The following TTC6 variants were observed in gnomAD, a reference collection of about 807,000 sequenced individuals.
The protein encoded by TTC6 is tetratricopeptide repeat domain 6.
Under a neutral mutation model 210.4 loss-of-function variants are expected in TTC6, and 172 were observed. That is an observed-to-expected ratio of 0.82 (90% CI 0.72 to 0.93). The LOEUF (loss-of-function observed/expected upper bound fraction) is 0.93, where lower values mean the gene tolerates loss of function less well. Ranked by LOEUF, TTC6 falls within the 40% of genes least tolerant of loss-of-function variation. TTC6 has a pLI of 0.00. For synonymous variants in TTC6, 804 were observed against 819.6 expected (o/e 0.98, Z 0.32); for missense variants, 2,414 against 2,318.1 (o/e 1.04, Z -0.85).
intron 20 of TTC6, among the ~76,000 whole-genome samples, chr14:37,800,667 G>A (rs2096104319): frequency 6.6e-6 from 1 of 152,172 alleles, no homozygotes; most frequent in South Asian, 2.1e-4. Flanking sequence ...TAAGGGCATT[G>A]TCCCTCAGGC....
chr14:37,686,630 A>G (rs1957593), intron 3 of TTC6, among the ~76,000 whole-genome samples: 152,254 of 152,324 alleles, frequency 1, 76,092 homozygotes, highest in Non-Finnish European at 1. Flanking sequence ...GGCTGGGGAG[A>G]CCTCACAATC....
At chr14:37,649,422 A>G (rs1380773033) in intron 1 of TTC6, among the ~76,000 whole-genome samples, 1 of 152,166 alleles carries the variant, frequency 6.6e-6, no homozygotes, top group Non-Finnish European at 1.5e-5. Context: ...CAGGGACCCC[A>G]CAACATTTAT....
chr14:37,725,910 G>T (rs1371091910), intron 7 of TTC6, among the ~76,000 whole-genome samples: 1 of 151,820 alleles, frequency 6.6e-6, no homozygotes, highest in Non-Finnish European at 1.5e-5. Flanking sequence ...CCTTAAAGAA[G>T]AATGATTACT....
chr14:37,842,092 T>C (rs1595345550), intron 30 of TTC6, 63 bp from the exon 33 acceptor site: 2 of 1,383,506 alleles, frequency 1.4e-6, no homozygotes, highest in Non-Finnish European at 1.9e-6. Context: ...TTTTTTTTTG[T>C]AAAAAAAGAG....
intron 1 of TTC6, among the ~76,000 whole-genome samples, chr14:37,655,051 G>A (rs1029629389): frequency 1.3e-5 from 2 of 152,100 alleles, no homozygotes; most frequent in Non-Finnish European, 2.9e-5. Flanking sequence ...AGTTATTTTG[G>A]CTGCTCTTCG....
chr14:37,737,256 G>A (rs1255701240), intron 8 of TTC6, among the ~76,000 whole-genome samples: 2 of 152,040 alleles, frequency 1.3e-5, no homozygotes, highest in Admixed American at 6.6e-5. Flanking sequence ...CATGATTAGA[G>A]GTGACTGTCC....
rs1281008057 is a variant in TTC6, at chr14:37,696,097, C to T, written c.1258-620C>T. Among the ~76,000 whole-genome samples, 4 of 152,100 alleles carry T rather than the reference C, an allele frequency of 2.6e-5. No homozygotes were observed. The East Asian group carries it at 7.7e-4, about 29-fold the overall frequency. ...CATCACCCAAGAAGTTGCAATAGCT[C>T]CTTCTTTACTACTGTATCAAACCTA... is the stretch of plus-strand genomic sequence containing the variant. On this transcript the variant is annotated intron_variant, in intron 3 of 30. Coordinates refer to ENST00000553443, the Ensembl canonical transcript of TTC6.
chr14:37,672,388 A>C (rs2095759981), intron 1 of TTC6, among the ~76,000 whole-genome samples: 1 of 152,166 alleles, frequency 6.6e-6, no homozygotes, highest in Admixed American at 6.6e-5. Context: ...GATTAAATTT[A>C]CTGCTTTGCA....
chr14:37,645,304 C>T (rs1191315105), intron 1 of TTC6, among the ~76,000 whole-genome samples: 1 of 152,198 alleles, frequency 6.6e-6, no homozygotes, highest in Non-Finnish European at 1.5e-5. Flanking sequence ...CCTACCTGCT[C>T]AATCCAGACT....
At chr14:37,701,449 A>G (rs1464885418) in exon 5 of TTC6, 1 of 1,530,682 alleles carries the variant, frequency 6.5e-7, no homozygotes, top group East Asian at 2.5e-5. Flanking sequence ...CTAACAGGAA[A>G]GGCCACGATA....
At chr14:37,727,337 A>C (rs1265412616) in intron 7 of TTC6, among the ~76,000 whole-genome samples, 1 of 125,018 alleles carries the variant, frequency 8.0e-6, no homozygotes, top group African/African-American at 3.0e-5. Flanking sequence ...CTTTATCACC[A>C]GGCTGGAGTG....
chr14:37,596,566 G>A (rs1272898466), intron 1 of TTC6, among the ~76,000 whole-genome samples: 1 of 152,246 alleles, frequency 6.6e-6, no homozygotes, highest in African/African-American at 2.4e-5. Context: ...CCGGGTGATA[G>A]GCAATTAGTT....
At chr14:37,743,665 T>G (rs545109720) in intron 10 of TTC6, among the ~76,000 whole-genome samples, 1 of 152,320 alleles carries the variant, frequency 6.6e-6, no homozygotes, top group Admixed American at 6.5e-5. Context: ...TCTGGAATAA[T>G]GAGAAGGGAT....
chr14:37,734,979 A>C (rs1318151559), intron 7 of TTC6, among the ~76,000 whole-genome samples: 1 of 152,176 alleles, frequency 6.6e-6, no homozygotes, highest in Non-Finnish European at 1.5e-5. Context: ...AGCATATGAC[A>C]AAATGGTTTG....
chr14:37,601,647 C>T (rs980566739), intron 1 of TTC6, among the ~76,000 whole-genome samples: 1 of 152,192 alleles, frequency 6.6e-6, no homozygotes, highest in African/African-American at 2.4e-5. Context: ...TCTCAGACAC[C>T]TGAGAACCTT....
intron 1 of TTC6, among the ~76,000 whole-genome samples, chr14:37,664,943 A>G (rs1036588220): frequency 6.6e-6 from 1 of 150,762 alleles, no homozygotes; most frequent in Non-Finnish European, 1.5e-5. Context: ...CAGAACCACA[A>G]TGAGATATCA....
At chr14:37,818,018 T>C (rs1370958207) in intron 26 of TTC6, among the ~76,000 whole-genome samples, 2 of 152,198 alleles carry the variant, frequency 1.3e-5, no homozygotes, top group Non-Finnish European at 2.9e-5. Flanking sequence ...ATTTATTTTG[T>C]TCATAAAGTG....
intron 25 of TTC6, among the ~76,000 whole-genome samples, chr14:37,816,668 A>T (rs2096142678): frequency 6.6e-6 from 1 of 152,212 alleles, no homozygotes. Flanking sequence ...TATTATAGCA[A>T]TCAGTAAAAT....
Position 37,753,092 on chromosome 14 carries a change from C to A in TTC6, c.3130-7C>A, listed in dbSNP as rs2139047239. The A allele has an allele frequency of 6.6e-7, 1 of 1,525,606 alleles. No homozygotes were observed. Among genetic ancestry groups the A allele is most frequent in the Non-Finnish European group, 8.8e-7 (1 of 1,139,642 alleles). 94.5% of individuals were successfully genotyped at this position (1,525,606 alleles called of 1,614,324 possible). ...TGATGTTTATGTACCTCCCGCTGTC[C>A]CTATAGTGTATTTTTTATGATCCCA... On this transcript the variant is annotated splice_region_variant and splice_polypyrimidine_tract_variant and intron_variant, in intron 13 of 30. Transcript: ENST00000553443.
Sources: gnomAD v4.1 joint callset for allele counts (sites outside exome capture counted in the v4.1 genomes callset) on GRCh38, gnomAD v4.1.1 for gene constraint, MANE v1.5 for transcripts, NCBI Gene and HGNC (gene_info 2026-07-23, HGNC 2026-07-21) for gene names.